The following RGSL1 variants were observed in gnomAD, a reference collection of about 807,000 sequenced individuals.
RGSL1 encodes regulator of G protein signaling like 1.
A neutral mutation model predicts 124.7 loss-of-function variants in RGSL1; 97 were observed. That is an observed-to-expected ratio of 0.78 (90% CI 0.66 to 0.92). RGSL1 has a LOEUF of 0.92. Ranked by LOEUF, RGSL1 falls within the 40% of genes least tolerant of loss-of-function variation. RGSL1 has a pLI of 0.00. For missense variants in RGSL1, 1,233 were observed against 1,288.4 expected (o/e 0.96, Z 0.66); for synonymous variants, 424 against 438.1 (o/e 0.97, Z 0.40).
Position 182,458,370 on chromosome 1 carries a change from T to G in RGSL1, c.148T>G (p.Trp50Gly), listed in dbSNP as rs1558225678. ...TGTTGAAAATTCACAGTGGAGCTTGTGGCCAGAAATACCTTGTAACTTGGT... is the reference window on the plus strand; with the variant it reads ...TGTTGAAAATTCACAGTGGAGCTTGGGGCCAGAAATACCTTGTAACTTGGT... ...YTVENSQWSLWPEIPCNLIAK... is the reference protein window; with the variant it reads ...YTVENSQWSLGPEIPCNLIAK... Residue 50 changes from tryptophan to glycine, a missense_variant, in exon 3 of 22, where the codon TGG (tryptophan) becomes GGG (glycine). Physicochemically the swap from Trp to Gly is radical, Grantham distance 184. Transcript: ENST00000294854. The G allele has an allele frequency of 1.3e-6, 2 of 1,552,122 alleles. No homozygotes were observed. Among genetic ancestry groups the G allele is most frequent in the African/African-American group, 2.7e-5 (2 of 73,180 alleles).
intron 4 of RGSL1, chr1:182,460,561 C>G (rs533235248): frequency 2.2e-4 from 95 of 440,032 alleles, no homozygotes; most frequent in African/African-American, 1.7e-3. Flanking sequence ...AATTTCTTAC[C>G]TAGTTAATGA....
intron 8 of RGSL1, among the ~76,000 whole-genome samples, chr1:182,492,029 A>T (rs948753600): frequency 6.6e-6 from 1 of 152,220 alleles, no homozygotes; most frequent in Non-Finnish European, 1.5e-5. Context: ...CTAGAAAAAA[A>T]ATCCACTCCA....
chr1:182,471,285 AGAT>A (rs761572121), intron 4 of RGSL1: 18 of 457,418 alleles, frequency 3.9e-5, no homozygotes, highest in Admixed American at 2.4e-4. Context: ...CTGGCAGCCA[AGAT>A]GATGAGATGG....
intron 1 of RGSL1, among the ~76,000 whole-genome samples, chr1:182,452,131 G>A (rs1367033411): frequency 6.6e-6 from 1 of 152,124 alleles, no homozygotes; most frequent in Non-Finnish European, 1.5e-5. Context: ...TGTAGGAAAA[G>A]GAGCAGGTTG....
intron 9 of RGSL1, among the ~76,000 whole-genome samples, chr1:182,517,735 T>C (rs1363272481): frequency 2.6e-5 from 4 of 152,224 alleles, no homozygotes; most frequent in African/African-American, 9.6e-5. Context: ...TCTTTTATTA[T>C]TTCAACTTGT....
At chr1:182,452,822 T>TCA (rs1651959183) in intron 1 of RGSL1, among the ~76,000 whole-genome samples, 1 of 152,180 alleles carries the variant, frequency 6.6e-6, no homozygotes, top group South Asian at 2.1e-4. Flanking sequence ...AAATGATTGT[T>TCA]TAGTTTTCTT....
In RGSL1 at chr1:182,530,816, C is replaced by T. The variant is rs1300927371; in HGVS notation, c.2270C>T (p.Pro757Leu). 7.1e-6 allele frequency: 11 copies of T among 1,549,398 alleles called. No individual in the cohort carries two copies. Among genetic ancestry groups the T allele is most frequent in the African/African-American group, 4.1e-5 (3 of 72,846 alleles). Reference sequence around the variant, plus strand: ...TTTAAAGATTATCAAGACCTGTTCCCACCTCACCATCAGGAGGTGGAAGTG... The same window carrying T: ...TTTAAAGATTATCAAGACCTGTTCCTACCTCACCATCAGGAGGTGGAAGTG... ...KWFKDYQDLF[P>L]PHHQEVEVQS... is the part of the protein sequence containing the mutation. The change falls in exon 13 of 22, where the codon CCA (proline) becomes CTA (leucine). Residue 757 changes from proline (P) to leucine (L), a missense_variant. Pro to Leu is a moderately conservative substitution (Grantham distance 98). Coordinates refer to ENST00000294854, the MANE Select transcript of RGSL1 (RefSeq NM_001137669.2).
intron 15 of RGSL1, among the ~76,000 whole-genome samples, chr1:182,546,550 C>A (rs150508914): frequency 2.0e-5 from 3 of 152,050 alleles, no homozygotes; most frequent in Admixed American, 6.6e-5. Context: ...CATGCCACCA[C>A]GCCCAGCTAA....
chr1:182,555,686 C>A (rs1018942413), intron 20 of RGSL1: 5 of 286,320 alleles, frequency 1.7e-5, no homozygotes, highest in Non-Finnish European at 3.3e-5. Flanking sequence ...GCTTGGTGTC[C>A]TTGCCAGCCA....
intron 9 of RGSL1, among the ~76,000 whole-genome samples, chr1:182,512,640 G>A (rs958866108): frequency 2.0e-5 from 3 of 152,190 alleles, no homozygotes; most frequent in African/African-American, 4.8e-5. Context: ...TCCACAGACA[G>A]CATAAGTGTT....
chr1:182,490,456 T>C (rs1655434370), intron 8 of RGSL1, among the ~76,000 whole-genome samples: 1 of 152,216 alleles, frequency 6.6e-6, no homozygotes, highest in South Asian at 2.1e-4. Flanking sequence ...ATGCACTCTG[T>C]ATACAAACCA....
chr1:182,452,663 G>A (rs1651945171), intron 1 of RGSL1, among the ~76,000 whole-genome samples: 1 of 151,996 alleles, frequency 6.6e-6, no homozygotes, highest in Non-Finnish European at 1.5e-5. Context: ...ATGTTGGTCA[G>A]CCTGGTCTTG....
At chr1:182,454,146 A>G in intron 2 of RGSL1, 106 bp downstream of exon 2, 1 of 681,534 alleles carries the variant, frequency 1.5e-6, no homozygotes, top group Admixed American at 2.7e-5. Context: ...TTGGGGTTTT[A>G]CTAAATGTCT....
intron 2 of RGSL1, among the ~76,000 whole-genome samples, chr1:182,455,492 G>C (rs575273418): frequency 1.2e-4 from 18 of 152,146 alleles, no homozygotes; most frequent in Admixed American, 7.9e-4. Flanking sequence ...TGAGGCACGA[G>C]AATCACTTGA....
intron 4 of RGSL1, chr1:182,460,711 T>G (rs1208795010): frequency 4.4e-6 from 2 of 455,968 alleles, no homozygotes; most frequent in Non-Finnish European, 8.8e-6. Flanking sequence ...ACTAGGAATC[T>G]GTTTCCTCAT....
At position 182,474,167 on chromosome 1, in the gene RGSL1, C is replaced by T. The variant is rs1355325889; in HGVS notation, c.1056C>T (p.Ser352=). Residue 352 remains serine, a synonymous_variant, in exon 6 of 22, where the codon TCC becomes TCT. Coordinates refer to ENST00000294854, the MANE Select transcript of RGSL1 (RefSeq NM_001137669.2). ...LRTVIPIVNH[S]SKMTIQKAIK... is the part of the protein sequence containing the mutation. ...CTGTCATCCCCATTGTCAATCACTC[C>T]TCCAAGATGACAATTCAGAAGGCCA... is the stretch of plus-strand genomic sequence containing the variant. 2 of 1,552,096 alleles carry T rather than the reference C, an allele frequency of 1.3e-6. No homozygotes were observed. The highest frequency in any genetic ancestry group is 1.7e-6 in the Non-Finnish European group (2 of 1,147,064).
intron 9 of RGSL1, among the ~76,000 whole-genome samples, chr1:182,503,071 T>A (rs761473031): frequency 1.3e-5 from 2 of 152,198 alleles, no homozygotes; most frequent in Non-Finnish European, 2.9e-5. Flanking sequence ...TGTAAATTAG[T>A]ACAACCACTA....
intron 12 of RGSL1, 144 bp downstream of exon 12, chr1:182,530,505 A>G: frequency 1.5e-6 from 1 of 677,296 alleles, no homozygotes; most frequent in East Asian, 2.8e-5. Flanking sequence ...ACTTATCTTG[A>G]ACTTTCCTAC....
intron 14 of RGSL1, among the ~76,000 whole-genome samples, chr1:182,533,747 A>T (rs909521394): frequency 1.3e-5 from 2 of 152,244 alleles, no homozygotes; most frequent in African/African-American, 4.8e-5. Flanking sequence ...TAAGAGGGTT[A>T]GCTAGTGTTA....
Sources: gnomAD v4.1 joint callset for allele counts (sites outside exome capture counted in the v4.1 genomes callset) on GRCh38, gnomAD v4.1.1 for gene constraint, MANE v1.5 for transcripts, NCBI Gene and HGNC (gene_info 2026-07-23, HGNC 2026-07-21) for gene names.